SHROOM3: variants seen among roughly 807,000 people sequenced by gnomAD.
The protein encoded by SHROOM3 is protein Shroom3.
In SHROOM3, 47 loss-of-function variants were observed where a neutral mutation model predicts 138.6. That is an observed-to-expected ratio of 0.34 (90% confidence interval 0.27 to 0.43). The LOEUF is 0.43. SHROOM3 is among the 20% of genes least tolerant of loss of function. The probability of loss-of-function intolerance (pLI) is 1.00; values close to 1 mark genes in which losing one functional copy is unlikely to be tolerated. For synonymous variants in SHROOM3, 1,062 were observed against 1,063.3 expected (o/e 1.00, Z 0.02); for missense variants, 2,491 against 2,596.5 (o/e 0.96, Z 0.88).
intron 2 of SHROOM3, among the ~76,000 whole-genome samples, chr4:76,607,994 G>T (rs969440488): frequency 3.9e-5 from 6 of 152,148 alleles, no homozygotes; most frequent in African/African-American, 1.4e-4. Context: ...CTCCAAAACA[G>T]TGCCCAGTTA....
At chr4:76,546,976 TTGTAAATGAA>T (rs1733233902) in intron 1 of SHROOM3, among the ~76,000 whole-genome samples, 1 of 152,240 alleles carries the variant, frequency 6.6e-6, no homozygotes, top group Non-Finnish European at 1.5e-5. Flanking sequence ...GTGGAGTTGT[TTGTAAATGAA>T]TCATTCCCTG....
chr4:76,590,544 C>T (rs1288707798), intron 2 of SHROOM3, among the ~76,000 whole-genome samples: 2 of 147,376 alleles, frequency 1.4e-5, no homozygotes, highest in Non-Finnish European at 3.0e-5. Flanking sequence ...TTAACTCACA[C>T]AAAACCAAAA....
At chr4:76,591,340 G>T (rs1361212472) in intron 2 of SHROOM3, among the ~76,000 whole-genome samples, 1 of 152,188 alleles carries the variant, frequency 6.6e-6, no homozygotes, top group African/African-American at 2.4e-5. Context: ...GAATCTGAAT[G>T]GCGTCTATAA....
Position 76,756,596 on chromosome 4 carries a change from C to G in SHROOM3, c.4857C>G (p.Ser1619Arg). 1 of 1,613,734 alleles carries G rather than the reference C, an allele frequency of 6.2e-7. No individual in the cohort carries two copies. Among genetic ancestry groups the G allele is most frequent in the Non-Finnish European group, 8.5e-7 (1 of 1,179,952 alleles). ...EAESTPPSFM[S>R]VHAQLAGSLG... Reference sequence around the variant, plus strand: ...AGTCCACACCACCCTCCTTCATGAGCGTTCACGCCCAACTTGCTGGGTCTC... The same window carrying G: ...AGTCCACACCACCCTCCTTCATGAGGGTTCACGCCCAACTTGCTGGGTCTC... Residue 1619 changes from serine (S) to arginine (R), a missense_variant, in exon 8 of 11, where the codon AGC (serine) becomes AGG (arginine). By Grantham distance (110) the Ser-to-Arg change is moderately radical (BLOSUM62 -1). Transcript: ENST00000296043.
chr4:76,521,924 C>A (rs942168031), intron 1 of SHROOM3, among the ~76,000 whole-genome samples: 1 of 152,142 alleles, frequency 6.6e-6, no homozygotes, highest in Non-Finnish European at 1.5e-5. Flanking sequence ...TGATATGATG[C>A]ACTGGCAAGG....
chr4:76,542,941 C>G (rs993078955), intron 1 of SHROOM3, among the ~76,000 whole-genome samples: 1 of 152,164 alleles, frequency 6.6e-6, no homozygotes, highest in Non-Finnish European at 1.5e-5. Flanking sequence ...CTCCACCAGA[C>G]AGGCCCAAAG....
intron 10 of SHROOM3, among the ~76,000 whole-genome samples, chr4:76,773,373 G>GA (rs574066208): frequency 0.043 from 3,471 of 80,638 alleles, 100 homozygotes; most frequent in African/African-American, 0.077. Flanking sequence ...GACTGTCTCA[G>GA]AAAAAAAAAA....
chr4:76,716,581 C>T (rs1720383491), intron 3 of SHROOM3, among the ~76,000 whole-genome samples: 1 of 152,170 alleles, frequency 6.6e-6, no homozygotes, highest in African/African-American at 2.4e-5. Context: ...TATGAATATT[C>T]TCATTATTTG....
rs779839787 is a variant in SHROOM3 at position 76,436,209 on chromosome 4, A to G, written c.157A>G (p.Ile53Val). The G allele has an allele frequency of 1.6e-5, 26 of 1,613,884 alleles. No homozygotes were observed. Among genetic ancestry groups the G allele is most frequent in the Non-Finnish European group, 2.0e-5 (24 of 1,179,894 alleles). Residue 53 changes from isoleucine (I) to valine (V), a missense_variant, in exon 1 of 11, where the codon ATC becomes GTC. Physicochemically the swap from Ile to Val is conservative, Grantham distance 29. Transcript: ENST00000296043. ...TGGCCTGGAGCACGGAGAACCATTAATCATCTCTAAGGTATGTTTCTTTTT... is the reference window on the plus strand; with the variant it reads ...TGGCCTGGAGCACGGAGAACCATTAGTCATCTCTAAGGTATGTTTCTTTTT... ...KGGLEHGEPLIISKVEEGGKA... is the reference protein window; with the variant it reads ...KGGLEHGEPLVISKVEEGGKA...
In SHROOM3 at chr4:76,710,162, G is replaced by A; in HGVS notation, c.330G>A (p.Val110=). Residue 110 remains valine, a synonymous_variant, in exon 3 of 11, where the codon GTG becomes GTA. Coordinates refer to ENST00000296043, the MANE Select transcript of SHROOM3 (RefSeq NM_020859.4). ...CTTTTCCTATTGTTGACAGAGATGT[G>A]TGCACAGACCCAGGCCATGCAGATA... is the stretch of plus-strand genomic sequence containing the variant. ...KTLRLVVRRD[V]CTDPGHADTG... 1 of 1,614,054 alleles carries A rather than the reference G, an allele frequency of 6.2e-7. No individual in the cohort carries two copies. The highest frequency in any genetic ancestry group is 8.5e-7 in the Non-Finnish European group (1 of 1,179,992).
At chr4:76,690,542 G>C (rs952397384) in intron 2 of SHROOM3, among the ~76,000 whole-genome samples, 23 of 152,186 alleles carry the variant, frequency 1.5e-4, no homozygotes, top group African/African-American at 5.5e-4. Context: ...AGAGAGTTCT[G>C]TGCATTTTCT....
intron 3 of SHROOM3, 86 bp downstream of exon 3, chr4:76,710,373 G>C (rs1720196303): frequency 6.5e-7 from 1 of 1,529,058 alleles, no homozygotes; most frequent in Admixed American, 1.8e-5. Context: ...GGAGTCGGGG[G>C]CAAGGATGGT....
intron 3 of SHROOM3, 109 bp from the exon 4 acceptor site, chr4:76,730,695 A>G (rs1430806240): frequency 4.1e-6 from 6 of 1,456,406 alleles, no homozygotes; most frequent in African/African-American, 2.8e-5. Flanking sequence ...TTGCTTTTCA[A>G]TCTCTGAGGA....
At chr4:76,749,775 T>A (rs1578017164) in intron 6 of SHROOM3, among the ~76,000 whole-genome samples, 2 of 152,210 alleles carry the variant, frequency 1.3e-5, no homozygotes, top group South Asian at 4.1e-4. Flanking sequence ...AAATGAGCAC[T>A]TTTTTAGAAT....
chr4:76,714,766 T>C (rs1039314332), intron 3 of SHROOM3, among the ~76,000 whole-genome samples: 1 of 152,224 alleles, frequency 6.6e-6, no homozygotes, highest in African/African-American at 2.4e-5. Context: ...TAATTAGAAT[T>C]TTTAAAAAAG....
At position 76,486,410 on chromosome 4, in the gene SHROOM3, T is replaced by C. The variant is rs576477930; in HGVS notation, c.168+50190T>C. On this transcript the variant is annotated intron_variant, in intron 1 of 10. Transcript: ENST00000296043. Reference sequence around the variant, plus strand: ...ATAAGATGGGATCAAGGCAGTAAAGTTGATCATGAAGCTTTACCTTGTCAA... The same window carrying C: ...ATAAGATGGGATCAAGGCAGTAAAGCTGATCATGAAGCTTTACCTTGTCAA... Among the ~76,000 whole-genome samples the C allele has an allele frequency of 3.3e-5, 5 of 152,362 alleles. No homozygotes were observed. In the South Asian group the frequency reaches 1.0e-3, roughly 32 times the overall value.
chr4:76,669,016 AT>A (rs1560585696), intron 2 of SHROOM3, among the ~76,000 whole-genome samples: 1 of 152,198 alleles, frequency 6.6e-6, no homozygotes, highest in Non-Finnish European at 1.5e-5. Flanking sequence ...AGCCAATGGT[AT>A]GTTTTGATTG....
chr4:76,574,977 AG>A (rs1457377865), intron 2 of SHROOM3, among the ~76,000 whole-genome samples: 1 of 152,242 alleles, frequency 6.6e-6, no homozygotes, highest in Non-Finnish European at 1.5e-5. Context: ...CAAATTCAAT[AG>A]TACACCAACA....
chr4:76,497,004 G>T (rs1210420383), intron 1 of SHROOM3, among the ~76,000 whole-genome samples: 2 of 152,184 alleles, frequency 1.3e-5, no homozygotes, highest in Non-Finnish European at 2.9e-5. Context: ...CTAGCTGCTA[G>T]CATGGTGCCT....
Sources: gnomAD v4.1 joint callset for allele counts (sites outside exome capture counted in the v4.1 genomes callset) on GRCh38, gnomAD v4.1.1 for gene constraint, MANE v1.5 for transcripts, NCBI Gene and HGNC (gene_info 2026-07-23, HGNC 2026-07-21) for gene names.